The following KLHL5 variants were observed in gnomAD, a reference collection of about 807,000 sequenced individuals.
KLHL5 encodes kelch like family member 5.
KLHL5 carries 48 observed loss-of-function variants against 77.7 expected under a neutral mutation model. The observed-to-expected ratio is 0.62, with a 90% CI of 0.49 to 0.79. The LOEUF (loss-of-function observed/expected upper bound fraction) is 0.79, where lower values mean the gene tolerates loss of function less well. Among genes scored for constraint, KLHL5 ranks in the 30% least tolerant of loss-of-function variants. KLHL5 has a pLI of 0.00. For missense variants in KLHL5, 723 were observed against 859.7 expected, an observed-to-expected ratio of 0.84 and a Z score of 1.99; for synonymous variants, 260 against 297.0, an observed-to-expected ratio of 0.88 and a Z score of 1.28.
chr4:39,105,331 G>A (rs1428550200), intron 7 of KLHL5, among the ~76,000 whole-genome samples: 3 of 151,670 alleles, frequency 2.0e-5, no homozygotes, highest in Non-Finnish European at 2.9e-5. Flanking sequence ...ATTTTTGGTG[G>A]AGACAGGGTT....
chr4:39,139,084 C>G, the KLHL5 span, among the ~76,000 whole-genome samples: 1 of 152,054 alleles, frequency 6.6e-6, no homozygotes, highest in Non-Finnish European at 1.5e-5. Context: ...GAGTTGGAGA[C>G]CGGCCTGTCC....
At chr4:39,086,838 A>G in intron 5 of KLHL5, 111 bp downstream of exon 5, 1 of 745,682 alleles carries the variant, frequency 1.3e-6, no homozygotes, top group South Asian at 1.8e-5. Flanking sequence ...GTGAGCTAAC[A>G]AAATTCTGCT....
chr4:39,055,954 G>A (rs1716977186), intron 1 of KLHL5, among the ~76,000 whole-genome samples: 1 of 152,038 alleles, frequency 6.6e-6, no homozygotes, highest in South Asian at 2.1e-4. Flanking sequence ...ATATATTACA[G>A]TGATTTATTT....
At chr4:39,060,149 A>G (rs749642251), upstream of KLHL5, among the ~76,000 whole-genome samples, 9 of 152,162 alleles carry the variant, frequency 5.9e-5, no homozygotes, top group Non-Finnish European at 1.2e-4. Context: ...TGTATATATA[A>G]AATTAGGTGA....
rs1474436611 is a variant in KLHL5, at chr4:39,103,527, C to T, written c.1525+16C>T. On this transcript the variant is annotated intron_variant, in intron 7 of 10. Coordinates refer to ENST00000504108, the MANE Select transcript of KLHL5 (RefSeq NM_015990.5). The stretch of plus-strand genomic sequence containing the variant: ...CATGGCCTTGGTAAGTACAACTATG[C>T]AGATTCACTCAAAATATCACATAGC... 9 of 1,583,588 alleles carry T rather than the reference C, an allele frequency of 5.7e-6. No homozygotes were observed. The highest frequency in any genetic ancestry group is 5.5e-5 in the South Asian group (5 of 90,436).
downstream of KLHL5, among the ~76,000 whole-genome samples, chr4:39,128,401 G>A (rs1286574342): frequency 6.6e-6 from 1 of 152,098 alleles, no homozygotes; most frequent in Non-Finnish European, 1.5e-5. Context: ...GAAAGCCTGG[G>A]CATGGAAGAG....
At chr4:39,079,350 C>G (rs910931618) in intron 2 of KLHL5, among the ~76,000 whole-genome samples, 4 of 152,272 alleles carry the variant, frequency 2.6e-5, no homozygotes, top group South Asian at 4.1e-4. Context: ...AAAGTACATG[C>G]AATGGCGTAC....
chr4:39,126,205 C>A lies in KLHL5; in HGVS notation c.*5139C>A, dbSNP rs1433600615. On this transcript the variant is annotated 3_prime_UTR_variant, in exon 11 of 11. Transcript: ENST00000504108. Reference sequence around the variant, plus strand: ...TAACTCTTACACAAAAACAAATATTCAATAAAATGATATTTAATTTCACTG... The same window carrying A: ...TAACTCTTACACAAAAACAAATATTAAATAAAATGATATTTAATTTCACTG... 2.0e-5 allele frequency among the ~76,000 whole-genome samples: 3 copies of A among 151,974 alleles called. No individual in the cohort carries two copies. Among genetic ancestry groups the A allele is most frequent in the African/African-American group, 7.3e-5 (3 of 41,340 alleles).
chr4:39,126,767 C>T, downstream of KLHL5: 2 of 455,636 alleles, frequency 4.4e-6, no homozygotes, highest in South Asian at 3.1e-5. Context: ...AGGCAAAACT[C>T]CTTATCTGAG....
upstream of KLHL5, among the ~76,000 whole-genome samples, chr4:39,059,834 G>A (rs942277794): frequency 6.6e-6 from 1 of 152,160 alleles, no homozygotes; most frequent in Non-Finnish European, 1.5e-5. Flanking sequence ...AGGAGATGGA[G>A]CCTGTAGTGA....
chr4:39,128,400 G>A (rs576900119), downstream of KLHL5, among the ~76,000 whole-genome samples: 1 of 152,024 alleles, frequency 6.6e-6, no homozygotes, highest in African/African-American at 2.4e-5. Flanking sequence ...GGAAAGCCTG[G>A]GCATGGAAGA....
At chr4:39,050,961 A>C (rs1259053908) in intron 1 of KLHL5, among the ~76,000 whole-genome samples, 1 of 152,164 alleles carries the variant, frequency 6.6e-6, no homozygotes, top group East Asian at 1.9e-4. Flanking sequence ...GATTGACTGA[A>C]TTGTCTAACT....
chr4:39,075,110 T>C (rs574700950), intron 1 of KLHL5, among the ~76,000 whole-genome samples: 32 of 152,116 alleles, frequency 2.1e-4, no homozygotes, highest in Non-Finnish European at 4.0e-4. Context: ...GGTGGGCAGA[T>C]CTCCTGAGGT....
chr4:39,052,067 T>C (rs900733021), intron 1 of KLHL5, among the ~76,000 whole-genome samples: 2 of 152,168 alleles, frequency 1.3e-5, no homozygotes, highest in African/African-American at 4.8e-5. Context: ...TATTCCATAA[T>C]ATTTCTTTTG....
chr4:39,059,782 C>T (rs537873154), upstream of KLHL5, among the ~76,000 whole-genome samples: 1 of 152,138 alleles, frequency 6.6e-6, no homozygotes, highest in African/African-American at 2.4e-5. Flanking sequence ...GCCTGTAGTC[C>T]CAACTACTCA....
At chr4:39,133,576 A>G in the KLHL5 span, among the ~76,000 whole-genome samples, 1 of 152,068 alleles carries the variant, frequency 6.6e-6, no homozygotes, top group Non-Finnish European at 1.5e-5. Context: ...CCTAAAAAAA[A>G]AAAAAAAAGT....
At chr4:39,074,454 G>T (rs540928418) in intron 1 of KLHL5, among the ~76,000 whole-genome samples, 1 of 152,252 alleles carries the variant, frequency 6.6e-6, no homozygotes, top group African/African-American at 2.4e-5. Flanking sequence ...TATAGAGAAA[G>T]AAAATATGGA....
intron 6 of KLHL5, among the ~76,000 whole-genome samples, chr4:39,102,990 C>T (rs1721722582): frequency 1.3e-5 from 2 of 152,150 alleles, no homozygotes; most frequent in Admixed American, 1.3e-4. Context: ...GCTTCCATGA[C>T]ACTTAACGCC....
intron 2 of KLHL5, among the ~76,000 whole-genome samples, chr4:39,077,096 C>T (rs1374614461): frequency 2.0e-5 from 3 of 151,368 alleles, no homozygotes; most frequent in Non-Finnish European, 2.9e-5. Flanking sequence ...ACAGTCCCAT[C>T]AAAAAGTGGG....
Sources: gnomAD v4.1 joint callset for allele counts (sites outside exome capture counted in the v4.1 genomes callset) on GRCh38, gnomAD v4.1.1 for gene constraint, MANE v1.5 for transcripts, NCBI Gene and HGNC (gene_info 2026-07-23, HGNC 2026-07-21) for gene names.